The following MAGI1 variants were observed in gnomAD, a reference collection of about 807,000 sequenced individuals.
MAGI1 encodes the protein membrane-associated guanylate kinase, WW and PDZ domain-containing protein 1.
MAGI1 carries 58 observed loss-of-function variants against 139.9 expected under a neutral mutation model. The observed-to-expected ratio is 0.41, with a 90% CI of 0.34 to 0.52. The LOEUF is 0.52. Among genes scored for constraint, MAGI1 ranks in the 20% least tolerant of loss-of-function variants. MAGI1 has a pLI of 0.12. For missense variants in MAGI1, 1,874 were observed against 1,901.6 expected, an observed-to-expected ratio of 0.99 and a Z score of 0.27; for synonymous variants, 812 against 737.9, an observed-to-expected ratio of 1.10 and a Z score of -1.63.
Position 65,430,885 on chromosome 3 carries a change from G to A in MAGI1, c.1364-4C>T. 6.2e-7 allele frequency: 1 copy of A among 1,612,364 alleles called. No individual in the cohort carries two copies. The highest frequency in any genetic ancestry group is 8.5e-7 in the Non-Finnish European group (1 of 1,179,286). ...TTTCGTGTAAAAAAGGGTTTGCCTG[G>A]ATTAAAATAAGAAACGCATAAGGAA... is the stretch of plus-strand genomic sequence containing the variant. On this transcript the variant is annotated splice_region_variant and splice_polypyrimidine_tract_variant and intron_variant, in intron 10 of 22. Coordinates refer to ENST00000402939, the MANE Select transcript of MAGI1 (RefSeq NM_001033057.2).
At chr3:65,512,933 C>T (rs1313449876) in intron 2 of MAGI1, among the ~76,000 whole-genome samples, 1 of 146,828 alleles carries the variant, frequency 6.8e-6, no homozygotes, top group African/African-American at 2.5e-5. Flanking sequence ...ACGAATCCAG[C>T]AGCACATCAA....
chr3:65,841,283 T>A (rs939286426), intron 1 of MAGI1, among the ~76,000 whole-genome samples: 2 of 152,114 alleles, frequency 1.3e-5, no homozygotes, highest in Non-Finnish European at 2.9e-5. Context: ...TTCATTGATT[T>A]CTGTTACCTT....
At chr3:65,455,224 T>C (rs1050088254) in intron 5 of MAGI1, among the ~76,000 whole-genome samples, 6 of 152,160 alleles carry the variant, frequency 3.9e-5, no homozygotes, top group Non-Finnish European at 7.4e-5. Flanking sequence ...TGCAAAACTA[T>C]AGTATACCGT....
intron 1 of MAGI1, among the ~76,000 whole-genome samples, chr3:65,748,935 T>C (rs969638655): frequency 2.6e-5 from 4 of 151,956 alleles, no homozygotes; most frequent in African/African-American, 9.7e-5. Flanking sequence ...GGGGATAACA[T>C]TGGAGGCAGG....
chr3:65,989,394 G>T (rs938725986), intron 1 of MAGI1, among the ~76,000 whole-genome samples: 1 of 152,094 alleles, frequency 6.6e-6, no homozygotes, highest in African/African-American at 2.4e-5. Flanking sequence ...TGAGGCATTG[G>T]TATTTTTTTA....
chr3:65,400,750 A>ATTTTT lies in MAGI1; in HGVS notation c.2199+684_2199+688dup, dbSNP rs767598706. 1.5e-3 allele frequency among the ~76,000 whole-genome samples: 88 copies of ATTTTT among 60,596 alleles called. 11 individuals are homozygous for ATTTTT. Among genetic ancestry groups the ATTTTT allele is most frequent in the South Asian group, 8.1e-3 (15 of 1,848 alleles). 39.8% of individuals were successfully genotyped at this position (60,596 alleles called of 152,430 possible). On this transcript the variant is annotated intron_variant, in intron 13 of 22. Coordinates refer to ENST00000402939, the MANE Select transcript of MAGI1 (RefSeq NM_001033057.2). ...GATTGGAAAGGACAGCAAAACATTG[A>ATTTTT]TTTTTTTTTTTTTTTTTTTTTTTTT...
chr3:65,566,090 C>A (rs1576338297), intron 2 of MAGI1, among the ~76,000 whole-genome samples: 1 of 151,704 alleles, frequency 6.6e-6, no homozygotes, highest in South Asian at 2.1e-4. Flanking sequence ...CCCATCTCTA[C>A]TAAAAATATG....
chr3:65,842,232 T>A (rs374962475), intron 1 of MAGI1, among the ~76,000 whole-genome samples: 4 of 152,186 alleles, frequency 2.6e-5, no homozygotes, highest in African/African-American at 9.6e-5. Context: ...ACCATCTTTT[T>A]GTAACACTAA....
intron 1 of MAGI1, among the ~76,000 whole-genome samples, chr3:65,879,972 A>T (rs918296185): frequency 1.3e-5 from 2 of 152,212 alleles, no homozygotes; most frequent in Admixed American, 6.5e-5. Context: ...AATCTGTGTG[A>T]TTAAAAAGTT....
At chr3:65,466,705 T>TG (rs1300675383) in intron 5 of MAGI1, among the ~76,000 whole-genome samples, 1 of 152,134 alleles carries the variant, frequency 6.6e-6, no homozygotes, top group Non-Finnish European at 1.5e-5. Flanking sequence ...TACTGCCAGG[T>TG]GGGGTGGAAG....
intron 3 of MAGI1, among the ~76,000 whole-genome samples, chr3:65,481,816 T>G (rs1299649742): frequency 2.6e-5 from 4 of 152,218 alleles, no homozygotes. Context: ...TATGTGTGGA[T>G]TTTCCATTAG....
chr3:65,791,865 G>A (rs918907840), intron 1 of MAGI1, among the ~76,000 whole-genome samples: 22 of 152,072 alleles, frequency 1.4e-4, no homozygotes, highest in Non-Finnish European at 2.4e-4. Flanking sequence ...TCTGAGCTGG[G>A]ACCACAGGCA....
intron 1 of MAGI1, chr3:65,902,646 T>G (rs533057778): frequency 6.5e-6 from 1 of 152,820 alleles, no homozygotes; most frequent in African/African-American, 2.4e-5. Flanking sequence ...GCGACAGGCA[T>G]CCAGGGCTCT....
At chr3:65,809,803 A>G (rs1178249696) in intron 1 of MAGI1, among the ~76,000 whole-genome samples, 1 of 152,206 alleles carries the variant, frequency 6.6e-6, no homozygotes, top group African/African-American at 2.4e-5. Context: ...TGTCTTGCAC[A>G]GAAATTAATG....
At chr3:65,874,716 TAA>T (rs1313177749) in intron 1 of MAGI1, 4 of 152,118 alleles carry the variant, frequency 2.6e-5, no homozygotes, top group Non-Finnish European at 4.4e-5. Context: ...ACTAAAAACT[TAA>T]AGAGTTTCCA....
intron 1 of MAGI1, among the ~76,000 whole-genome samples, chr3:65,987,388 C>G (rs888850519): frequency 6.6e-6 from 1 of 152,112 alleles, no homozygotes; most frequent in Admixed American, 6.6e-5. Context: ...AAAGACATAA[C>G]AGACATTTGT....
chr3:65,642,845 G>A (rs2085056393), intron 1 of MAGI1, among the ~76,000 whole-genome samples: 1 of 152,146 alleles, frequency 6.6e-6, no homozygotes, highest in South Asian at 2.1e-4. Flanking sequence ...TACCTGCCTG[G>A]AAATTAAATC....
intron 2 of MAGI1, among the ~76,000 whole-genome samples, chr3:65,607,820 G>GT: frequency 6.6e-6 from 1 of 152,128 alleles, no homozygotes; most frequent in Non-Finnish European, 1.5e-5. Flanking sequence ...GGCTTACTGC[G>GT]TATTATGCAT....
At chr3:65,963,292 A>G (rs1056070857) in intron 1 of MAGI1, among the ~76,000 whole-genome samples, 18 of 119,292 alleles carry the variant, frequency 1.5e-4, no homozygotes, top group African/African-American at 6.6e-4. Flanking sequence ...AGCCTGGTCA[A>G]CAGAGCGAGA....
Sources: allele counts gnomAD v4.1 joint callset (sites outside exome capture counted in the v4.1 genomes callset), GRCh38; gene constraint gnomAD v4.1.1; transcripts MANE v1.5; gene names NCBI Gene and HGNC (gene_info 2026-07-23, HGNC 2026-07-21).